The following ITM2B variants were observed in gnomAD, a reference collection of about 807,000 sequenced individuals.
ITM2B encodes integral membrane protein 2B, also known as ABri/ADan amyloid peptide.
A neutral mutation model predicts 27.8 loss-of-function variants in ITM2B; 11 were observed. The ratio of observed to expected loss-of-function variants is 0.40; its 90% CI spans 0.25 to 0.66. The LOEUF (loss-of-function observed/expected upper bound fraction) is 0.66, where lower values mean the gene tolerates loss of function less well. Ranked by LOEUF, ITM2B falls within the 30% of genes least tolerant of loss-of-function variation. The pLI, the probability that ITM2B is intolerant of heterozygous loss-of-function variation, is 0.43. For missense variants in ITM2B, 296 were observed against 328.9 expected, an observed-to-expected ratio of 0.90 and a Z score of 0.77; for synonymous variants, 114 against 114.3, an observed-to-expected ratio of 1.00 and a Z score of 0.02.
intron 1 of ITM2B, 60 bp from the exon 2 acceptor site, chr13:48,253,748 C>G: frequency 6.5e-7 from 1 of 1,529,794 alleles, no homozygotes. Context: ...TTTTCTAGTC[C>G]TGAGCCTTCT....
chr13:48,258,669 A>G (rs1951803998), intron 4 of ITM2B, 128 bp from the exon 5 acceptor site: 1 of 834,018 alleles, frequency 1.2e-6, no homozygotes, highest in Non-Finnish European at 2.0e-6. Flanking sequence ...AACATAAACA[A>G]ACAGATGGTG....
At position 48,245,779 on chromosome 13, in the gene ITM2B, C is replaced by CT. The variant is rs766255955; in HGVS notation, c.118-8015dup. ...TTTTATAGACCTTGTAGTTTAAGTT[C>CT]TTTTTTTTTTTTTTCGAGACAGAGT... On this transcript the variant is annotated intron_variant, in intron 1 of 5. Coordinates refer to ENST00000647800, the MANE Select transcript of ITM2B (RefSeq NM_021999.5). 3.9e-3 allele frequency among the ~76,000 whole-genome samples: 524 copies of CT among 134,974 alleles called. 6 individuals are homozygous for CT. The highest frequency in any genetic ancestry group is 0.016 in the Middle Eastern group (4 of 258). The allele number at this position is 134,974 out of a possible 152,430, so 88.5% of individuals were successfully genotyped here. A position where few individuals can be genotyped will look rare whatever the true frequency, so the allele number is the denominator to read the frequency against.
rs1192715335 is a variant in ITM2B at position 48,264,321 on chromosome 13, C to T, written c.*3097C>T. 6.6e-6 allele frequency: 1 copy of T among 152,042 alleles called. No individual in the cohort carries two copies. Among genetic ancestry groups the T allele is most frequent in the Non-Finnish European group, 1.5e-5 (1 of 68,018 alleles). The allele number at this position is 152,042 out of a possible 1,614,324, so 9.4% of individuals were successfully genotyped here. A position where few individuals can be genotyped will look rare whatever the true frequency, so the allele number is the denominator to read the frequency against. ...CCTGTATCCCTTTTTAGATTCCACA[C>T]CCATATTAGTGAGAAGCAAGAAAAA... On this transcript the variant is annotated 3_prime_UTR_variant, in exon 6 of 6. Coordinates refer to ENST00000647800, the MANE Select transcript of ITM2B (RefSeq NM_021999.5).
Position 48,255,275 on chromosome 13 carries a change from G to A in ITM2B, c.247-902G>A, listed in dbSNP as rs574577631. Among the ~76,000 whole-genome samples the A allele has an allele frequency of 1.7e-4, 26 of 151,900 alleles. No individual in the cohort carries two copies. In the South Asian group the frequency reaches 3.1e-3, roughly 18 times the overall value. ...TGTGTGCGCGCGCGTGTGCGTGCGC[G>A]CACGTGTACATGTACTGTGTGTTTG... On this transcript the variant is annotated intron_variant, in intron 2 of 5. Coordinates refer to ENST00000647800, the MANE Select transcript of ITM2B (RefSeq NM_021999.5).
At chr13:48,241,383 T>C (rs1336975863) in intron 1 of ITM2B, among the ~76,000 whole-genome samples, 2 of 152,172 alleles carry the variant, frequency 1.3e-5, no homozygotes, top group African/African-American at 4.8e-5. Context: ...AGCTAATTTT[T>C]GTATTTTTAG....
chr13:48,242,375 A>T (rs1028559916), intron 1 of ITM2B, among the ~76,000 whole-genome samples: 3 of 151,760 alleles, frequency 2.0e-5, no homozygotes, highest in Admixed American at 2.0e-4. Flanking sequence ...CAAACTCACC[A>T]GGTAACTTAC....
chr13:48,244,708 C>G (rs1009380150), intron 1 of ITM2B, among the ~76,000 whole-genome samples: 3 of 152,032 alleles, frequency 2.0e-5, no homozygotes, highest in Non-Finnish European at 2.9e-5. Context: ...GAGTCTAGAA[C>G]AGGTTTGTTC....
At chr13:48,248,982 G>T in intron 1 of ITM2B, among the ~76,000 whole-genome samples, 1 of 152,134 alleles carries the variant, frequency 6.6e-6, no homozygotes, top group Non-Finnish European at 1.5e-5. Context: ...GAACTCAGTT[G>T]ATTTCTTCCC....
chr13:48,254,527 A>G (rs1027217567), intron 2 of ITM2B, among the ~76,000 whole-genome samples: 2 of 152,244 alleles, frequency 1.3e-5, no homozygotes, highest in South Asian at 2.1e-4. Flanking sequence ...GTGATTGATT[A>G]TAATTTACAA....
Position 48,264,793 on chromosome 13 carries a change from A to C in ITM2B, c.*3569A>C, listed in dbSNP as rs1001572404. The C allele has an allele frequency of 2.0e-5, 3 of 152,186 alleles. No homozygotes were observed. The highest frequency in any genetic ancestry group is 6.5e-5 in the Admixed American group (1 of 15,270). 9.4% of individuals were successfully genotyped at this position (152,186 alleles called of 1,614,324 possible). On this transcript the variant is annotated 3_prime_UTR_variant, in exon 6 of 6. Coordinates refer to ENST00000647800, the MANE Select transcript of ITM2B (RefSeq NM_021999.5). ...TCTTCTTTCTGAGTCTTTGTGGCTA[A>C]TGCTTTTTTGAGGAAGAAGCATGAT...
intron 2 of ITM2B, chr13:48,254,876 A>G (rs1951776353): frequency 6.6e-6 from 1 of 151,738 alleles, no homozygotes; most frequent in African/African-American, 2.4e-5. Context: ...TGGTGCATTA[A>G]CTTTTTTTTT....
chr13:48,236,164 A>T (rs1951667155), intron 1 of ITM2B, among the ~76,000 whole-genome samples: 1 of 151,998 alleles, frequency 6.6e-6, no homozygotes, highest in African/African-American at 2.4e-5. Flanking sequence ...TTTCCCCTTA[A>T]TTGTTTTCAC....
intron 1 of ITM2B, among the ~76,000 whole-genome samples, chr13:48,246,581 G>A (rs949271110): frequency 4.6e-5 from 7 of 152,152 alleles, no homozygotes. Flanking sequence ...TTCATACTGA[G>A]GAAAGAAACC....
chr13:48,244,599 AC>A (rs1369374941), intron 1 of ITM2B, among the ~76,000 whole-genome samples: 1 of 152,226 alleles, frequency 6.6e-6, no homozygotes, highest in Non-Finnish European at 1.5e-5. Flanking sequence ...GAATTTTCTT[AC>A]CAAAAGTTCT....
chr13:48,254,508 G>A lies in ITM2B; in HGVS notation c.246+572G>A, dbSNP rs183745025. On this transcript the variant is annotated intron_variant, in intron 2 of 5. Coordinates refer to ENST00000647800, the MANE Select transcript of ITM2B (RefSeq NM_021999.5). ...GTAATCCCAGTGGGTTAAGACAAAG[G>A]TCTTCCTTGTGATTGATTATAATTT... 1.2e-4 allele frequency among the ~76,000 whole-genome samples: 19 copies of A among 152,176 alleles called. No individual in the cohort carries two copies. In the East Asian group the frequency reaches 3.7e-3, roughly 29 times the overall value.
In ITM2B at chr13:48,233,375, G is replaced by A. The variant is rs543509091; in HGVS notation, c.15G>A (p.Thr5=). 1.3e-6 allele frequency: 2 copies of A among 1,562,800 alleles called. No individual in the cohort carries two copies. The highest frequency in any genetic ancestry group is 2.8e-5 in the African/African-American group (2 of 70,894). Residue 5 remains threonine, a synonymous_variant, in exon 1 of 6, where the codon ACG becomes ACA. Coordinates refer to ENST00000647800, the MANE Select transcript of ITM2B (RefSeq NM_021999.5). The part of the protein sequence containing the change: MVKV[T]FNSALAQKEA... ...CAGGCCGCGCCATGGTGAAGGTGACGTTCAACTCCGCTCTGGCCCAGAAGG... is the reference window on the plus strand; with the variant it reads ...CAGGCCGCGCCATGGTGAAGGTGACATTCAACTCCGCTCTGGCCCAGAAGG...
chr13:48,234,292 G>T (rs745858890), intron 1 of ITM2B, among the ~76,000 whole-genome samples: 5 of 151,980 alleles, frequency 3.3e-5, no homozygotes, highest in African/African-American at 1.2e-4. Context: ...ATGAAGTGGG[G>T]CTGTTACTGT....
At chr13:48,247,366 A>G (rs1951730619) in intron 1 of ITM2B, among the ~76,000 whole-genome samples, 1 of 152,096 alleles carries the variant, frequency 6.6e-6, no homozygotes, top group African/African-American at 2.4e-5. Flanking sequence ...ATTTTTTGAT[A>G]ATATAATTTT....
In ITM2B at chr13:48,264,189, C is replaced by T. The variant is rs945156443; in HGVS notation, c.*2965C>T. 3 of 152,120 alleles carry T rather than the reference C, an allele frequency of 2.0e-5. No homozygotes were observed. In the East Asian group the frequency reaches 5.8e-4, roughly 29 times the overall value. The allele number at this position is 152,120 out of a possible 1,614,324, so 9.4% of individuals were successfully genotyped here. The stretch of plus-strand genomic sequence containing the variant: ...ATAGGCATGAAAATGCTTCATACAG[C>T]TCTGTACAGTTGTTGACAGTGCCTT... On this transcript the variant is annotated 3_prime_UTR_variant, in exon 6 of 6. Transcript: ENST00000647800.
Sources: allele counts gnomAD v4.1 joint callset (sites outside exome capture counted in the v4.1 genomes callset), GRCh38; gene constraint gnomAD v4.1.1; transcripts MANE v1.5; gene names NCBI Gene and HGNC (gene_info 2026-07-23, HGNC 2026-07-21).